The following CHST11 variants were observed in gnomAD, a reference collection of about 807,000 sequenced individuals.
CHST11 encodes C4S-1.
CHST11 carries 9 observed loss-of-function variants against 30.4 expected under a neutral mutation model. That is an observed-to-expected ratio of 0.30 (90% CI 0.18 to 0.52). CHST11 has a LOEUF of 0.52. Ranked by LOEUF, CHST11 falls within the 20% of genes least tolerant of loss-of-function variation. CHST11 has a pLI of 0.97. For missense variants in CHST11, 348 were observed against 460.6 expected (o/e 0.76, Z 2.24); for synonymous variants, 152 against 187.8 (o/e 0.81, Z 1.56).
intron 2 of CHST11, among the ~76,000 whole-genome samples, chr12:104,625,938 T>C (rs2039210127): frequency 6.6e-6 from 1 of 152,188 alleles, no homozygotes; most frequent in South Asian, 2.1e-4. Flanking sequence ...TGAACATAAT[T>C]AGAAAAGATG....
chr12:104,587,292 C>G (rs1374685082), intron 1 of CHST11, among the ~76,000 whole-genome samples: 2 of 152,216 alleles, frequency 1.3e-5, no homozygotes, highest in Non-Finnish European at 2.9e-5. Flanking sequence ...TCCTTTAACA[C>G]ACTTAATCTT....
chr12:104,536,352 G>A (rs997167472), intron 1 of CHST11, among the ~76,000 whole-genome samples: 2 of 152,194 alleles, frequency 1.3e-5, no homozygotes, highest in African/African-American at 2.4e-5. Context: ...CCCATGAGTC[G>A]ATGCCCATCA....
At chr12:104,604,905 C>T (rs374123562) in intron 2 of CHST11, among the ~76,000 whole-genome samples, 2 of 152,208 alleles carry the variant, frequency 1.3e-5, no homozygotes, top group African/African-American at 4.8e-5. Context: ...TATCTAGATG[C>T]TTATAAACAT....
In CHST11 at chr12:104,567,698, A is replaced by G. The variant is rs2038581596; in HGVS notation, c.119-34208A>G. Among the ~76,000 whole-genome samples the G allele has an allele frequency of 7.2e-5, 11 of 152,242 alleles. No individual in the cohort carries two copies. In the South Asian group the frequency reaches 2.3e-3, roughly 32 times the overall value. ...GTCACACAGCCCATGAGCTGTGTGC[A>G]AAGTTTAGAGGTTGCCATGGTCTGA... On this transcript the variant is annotated intron_variant, in intron 1 of 2. Transcript: ENST00000303694.
intron 1 of CHST11, among the ~76,000 whole-genome samples, chr12:104,467,545 G>C (rs2037471147): frequency 6.6e-6 from 1 of 152,210 alleles, no homozygotes; most frequent in Admixed American, 6.5e-5. Flanking sequence ...AGCTGTATGG[G>C]GAGGGCTGAT....
At chr12:104,513,127 G>GT (rs1456478436) in intron 1 of CHST11, among the ~76,000 whole-genome samples, 1,600 of 107,774 alleles carry the variant, frequency 0.015, 204 homozygotes, top group East Asian at 0.14. Context: ...CATGACTGGG[G>GT]GGGGGGGGGG....
intron 1 of CHST11, among the ~76,000 whole-genome samples, chr12:104,484,959 C>T (rs890378507): frequency 3.3e-5 from 5 of 152,176 alleles, no homozygotes; most frequent in African/African-American, 9.7e-5. Context: ...CTTACACACA[C>T]GGGTGCCGTC....
At chr12:104,585,864 A>G (rs556688603) in intron 1 of CHST11, among the ~76,000 whole-genome samples, 1 of 151,798 alleles carries the variant, frequency 6.6e-6, no homozygotes, top group East Asian at 1.9e-4. Context: ...AATCCTAGGC[A>G]TGTCCTGGCC....
intron 1 of CHST11, among the ~76,000 whole-genome samples, chr12:104,531,900 T>C (rs1293205650): frequency 6.6e-6 from 1 of 152,218 alleles, no homozygotes; most frequent in Admixed American, 6.5e-5. Flanking sequence ...ACAGTCAGAA[T>C]ATCTGGCATC....
At chr12:104,714,459 C>T (rs2040112655) in intron 2 of CHST11, among the ~76,000 whole-genome samples, 1 of 152,058 alleles carries the variant, frequency 6.6e-6, no homozygotes, top group African/African-American at 2.4e-5. Flanking sequence ...AGGGCTGGGG[C>T]AAAGGTCAGA....
chr12:104,488,590 C>T (rs1025486687), intron 1 of CHST11, among the ~76,000 whole-genome samples: 17 of 104,950 alleles, frequency 1.6e-4, no homozygotes, highest in African/African-American at 5.0e-4. Flanking sequence ...TGTATGTATG[C>T]GTATGTATGC....
chr12:104,750,703 C>G (rs2040424063), intron 2 of CHST11, among the ~76,000 whole-genome samples: 1 of 151,840 alleles, frequency 6.6e-6, no homozygotes, highest in Admixed American at 6.6e-5. Context: ...CTCAGCCTCC[C>G]TAAATGTTGG....
intron 2 of CHST11, among the ~76,000 whole-genome samples, chr12:104,700,396 C>A (rs1334419095): frequency 6.6e-6 from 1 of 152,188 alleles, no homozygotes; most frequent in Non-Finnish European, 1.5e-5. Context: ...ACAGGAGTCA[C>A]TGTAGGCTTA....
intron 2 of CHST11, among the ~76,000 whole-genome samples, chr12:104,623,539 C>T (rs529196686): frequency 1.3e-5 from 2 of 152,218 alleles, no homozygotes; most frequent in South Asian, 2.1e-4. Flanking sequence ...GGAGAAACCC[C>T]GTCTCTACTA....
chr12:104,558,538 T>TCCCCTCC (rs2038481136), intron 1 of CHST11, among the ~76,000 whole-genome samples: 1 of 117,762 alleles, frequency 8.5e-6, no homozygotes, highest in Non-Finnish European at 1.7e-5. Context: ...CAGCAGAAAT[T>TCCCCTCC]CCCCCCCCCG....
chr12:104,670,578 C>G (rs2039684682), intron 2 of CHST11, among the ~76,000 whole-genome samples: 1 of 149,056 alleles, frequency 6.7e-6, no homozygotes, highest in Non-Finnish European at 1.5e-5. Context: ...CACACATGCA[C>G]TCACACTCAT....
At chr12:104,513,138 T>TG (rs1565969843) in intron 1 of CHST11, among the ~76,000 whole-genome samples, 20 of 3,332 alleles carry the variant, frequency 6.0e-3, no homozygotes, top group Admixed American at 0.014. Flanking sequence ...GGGGGGGGGG[T>TG]TGGGGGTGGG....
chr12:104,597,637 G>A (rs2038919156), intron 1 of CHST11, among the ~76,000 whole-genome samples: 1 of 152,214 alleles, frequency 6.6e-6, no homozygotes, highest in Non-Finnish European at 1.5e-5. Flanking sequence ...CAAATGAATA[G>A]GTTAGAGAGA....
At position 104,653,925 on chromosome 12, in the gene CHST11, AG is replaced by A. The variant is rs138652178; in HGVS notation, c.204+51939del. Among the ~76,000 whole-genome samples, 140 of 152,284 alleles carry A rather than the reference AG, an allele frequency of 9.2e-4. 2 individuals carry two copies. The East Asian group carries it at 0.018, about 20-fold the overall frequency. ...GGTGCTGTGCTTCTATTTCACCTGC[AG>A]GGGGCCAAGATTCTTTTCCCAGGGT... On this transcript the variant is annotated intron_variant, in intron 2 of 2. Coordinates refer to ENST00000303694, the MANE Select transcript of CHST11 (RefSeq NM_018413.6).
Sources: allele counts gnomAD v4.1 joint callset (sites outside exome capture counted in the v4.1 genomes callset), GRCh38; gene constraint gnomAD v4.1.1; transcripts MANE v1.5; gene names NCBI Gene and HGNC (gene_info 2026-07-23, HGNC 2026-07-21).